The following CNTNAP2 variants were observed in gnomAD, a reference collection of about 807,000 sequenced individuals.
CNTNAP2 encodes contactin associated protein 2.
CNTNAP2 carries 98 observed loss-of-function variants against 155.2 expected under a neutral mutation model. The observed-to-expected ratio is 0.63, with a 90% confidence interval of 0.54 to 0.75. The LOEUF is 0.75. CNTNAP2 is among the 30% of genes least tolerant of loss of function. CNTNAP2 has a pLI of 0.00. For missense variants in CNTNAP2, 1,727 were observed against 1,688.1 expected (o/e 1.02, Z -0.40); for synonymous variants, 651 against 631.2 (o/e 1.03, Z -0.47).
chr7:147,700,010 C>T (rs1439782606), intron 13 of CNTNAP2, among the ~76,000 whole-genome samples: 5 of 152,166 alleles, frequency 3.3e-5, no homozygotes, highest in Admixed American at 6.5e-5. Context: ...TTCTTAATGG[C>T]TTTTCAAGTT....
intron 3 of CNTNAP2, among the ~76,000 whole-genome samples, chr7:146,933,660 A>C (rs965905456): frequency 6.7e-6 from 1 of 148,952 alleles, no homozygotes; most frequent in Admixed American, 6.7e-5. Context: ...CAACCTACAA[A>C]ATGGGAGAAA....
chr7:148,295,551 G>A (rs1454709804), intron 21 of CNTNAP2, among the ~76,000 whole-genome samples: 3 of 146,858 alleles, frequency 2.0e-5, no homozygotes, highest in African/African-American at 7.6e-5. Context: ...GAGTGCTGTG[G>A]CGCAGTCTCG....
chr7:148,325,712 A>G (rs978088369), intron 21 of CNTNAP2, among the ~76,000 whole-genome samples: 2 of 152,206 alleles, frequency 1.3e-5, no homozygotes, highest in Admixed American at 1.3e-4. Flanking sequence ...TGATTAGTCA[A>G]TCTGCTAGCA....
intron 13 of CNTNAP2, among the ~76,000 whole-genome samples, chr7:147,886,475 CAAAAAAA>C (rs532837902): frequency 5.0e-5 from 2 of 39,736 alleles, no homozygotes; most frequent in Non-Finnish European, 8.2e-5. Flanking sequence ...AACTCCATCT[CAAAAAAA>C]AAAAAAAAAA....
intron 1 of CNTNAP2, among the ~76,000 whole-genome samples, chr7:146,229,435 A>G (rs1203601903): frequency 6.6e-6 from 1 of 152,156 alleles, no homozygotes; most frequent in African/African-American, 2.4e-5. Flanking sequence ...TTTCTTTGTA[A>G]TCTCTCTGCT....
At chr7:146,828,693 A>G (rs1364445528) in intron 2 of CNTNAP2, among the ~76,000 whole-genome samples, 1 of 152,142 alleles carries the variant, frequency 6.6e-6, no homozygotes, top group Non-Finnish European at 1.5e-5. Context: ...AGGACATTAA[A>G]AAAATAAGAT....
chr7:147,958,827 T>A (rs1801068243), intron 14 of CNTNAP2, among the ~76,000 whole-genome samples: 1 of 152,162 alleles, frequency 6.6e-6, no homozygotes, highest in Non-Finnish European at 1.5e-5. Flanking sequence ...ACTCATCAGT[T>A]TGCCTCCCAT....
chr7:148,405,679 G>A (rs10952757), intron 22 of CNTNAP2, among the ~76,000 whole-genome samples: 87,358 of 135,550 alleles, frequency 0.64, 28,358 homozygotes, highest in East Asian at 0.92. Context: ...GCAGTGGCAC[G>A]ATCTCAGCTC....
intron 13 of CNTNAP2, among the ~76,000 whole-genome samples, chr7:147,782,794 C>T (rs1280960576): frequency 6.6e-6 from 1 of 152,200 alleles, no homozygotes; most frequent in African/African-American, 2.4e-5. Context: ...ATTTTACTCT[C>T]TCTCTCCTCT....
intron 9 of CNTNAP2, among the ~76,000 whole-genome samples, chr7:147,350,235 T>C (rs1482015119): frequency 6.6e-6 from 1 of 151,916 alleles, no homozygotes; most frequent in Non-Finnish European, 1.5e-5. Context: ...TGTACAGAAT[T>C]CTTCAGTGCA....
chr7:147,538,952 A>G (rs1316323131), intron 11 of CNTNAP2, among the ~76,000 whole-genome samples: 1 of 152,156 alleles, frequency 6.6e-6, no homozygotes, highest in Non-Finnish European at 1.5e-5. Flanking sequence ...AACTCTGTTT[A>G]TTCCAAGATA....
intron 8 of CNTNAP2, chr7:147,161,623 T>TCTCTCC (rs1397541931): frequency 2.6e-5 from 1 of 38,784 alleles, no homozygotes. Flanking sequence ...CATTCAGTAT[T>TCTCTCC]CTCTCTCTCA....
chr7:148,339,914 G>A (rs1798198514), intron 21 of CNTNAP2, among the ~76,000 whole-genome samples: 1 of 152,020 alleles, frequency 6.6e-6, no homozygotes. Context: ...ACTCCACAGG[G>A]TCACTGCACG....
intron 11 of CNTNAP2, among the ~76,000 whole-genome samples, chr7:147,489,899 G>T (rs902510595): frequency 2.0e-5 from 3 of 152,208 alleles, no homozygotes; most frequent in African/African-American, 7.2e-5. Flanking sequence ...ACAGGCATGA[G>T]CCACCATGCC....
chr7:146,599,630 A>AT (rs1337996037), intron 1 of CNTNAP2, among the ~76,000 whole-genome samples: 1 of 151,852 alleles, frequency 6.6e-6, no homozygotes, highest in East Asian at 1.9e-4. Context: ...GCTTTAATGT[A>AT]TTCCAGCGCT....
At chr7:147,096,264 T>C (rs1466374221) in intron 4 of CNTNAP2, among the ~76,000 whole-genome samples, 1 of 152,186 alleles carries the variant, frequency 6.6e-6, no homozygotes, top group East Asian at 1.9e-4. Flanking sequence ...ATAATACAAC[T>C]CCAAATCAAC....
chr7:146,839,122 G>A (rs574619381), intron 2 of CNTNAP2, among the ~76,000 whole-genome samples: 3 of 151,880 alleles, frequency 2.0e-5, no homozygotes, highest in East Asian at 3.9e-4. Context: ...CTTACAAGAG[G>A]TATTGACTGT....
chr7:146,570,462 G>T (rs1280761164), intron 1 of CNTNAP2, among the ~76,000 whole-genome samples: 1 of 151,966 alleles, frequency 6.6e-6, no homozygotes, highest in Non-Finnish European at 1.5e-5. Flanking sequence ...TTTTAATCCA[G>T]AATTTTTTCC....
chr7:146,248,904 G>C (rs563562418), intron 1 of CNTNAP2, among the ~76,000 whole-genome samples: 1 of 152,144 alleles, frequency 6.6e-6, no homozygotes, highest in Admixed American at 6.5e-5. Flanking sequence ...GGCTGAGTCC[G>C]AAAAGAGAGT....
Sources: allele counts gnomAD v4.1 joint callset (sites outside exome capture counted in the v4.1 genomes callset), GRCh38; gene constraint gnomAD v4.1.1; transcripts MANE v1.5; gene names NCBI Gene and HGNC (gene_info 2026-07-23, HGNC 2026-07-21).